Variants in MYRIP observed in about 807,000 individuals in gnomAD.
MYRIP encodes the protein myosin VIIA and Rab interacting protein, also known as rab effector MyRIP.
A neutral mutation model predicts 98.0 loss-of-function variants in MYRIP; 49 were observed. That is an observed-to-expected ratio of 0.50 (90% confidence interval 0.40 to 0.63). MYRIP has a LOEUF of 0.63. Ranked by LOEUF, MYRIP falls within the 30% of genes least tolerant of loss-of-function variation. The probability of loss-of-function intolerance (pLI) is 0.00; values close to 1 mark genes in which losing one functional copy is unlikely to be tolerated. For missense variants in MYRIP, 1,004 were observed against 1,058.2 expected, an observed-to-expected ratio of 0.95 and a Z score of 0.71; for synonymous variants, 404 against 409.5, an observed-to-expected ratio of 0.99 and a Z score of 0.16.
At chr3:39,835,676 G>A (rs1445281514) in intron 1 of MYRIP, among the ~76,000 whole-genome samples, 1 of 152,088 alleles carries the variant, frequency 6.6e-6, no homozygotes, top group Non-Finnish European at 1.5e-5. Flanking sequence ...CATGTGCCAT[G>A]GTGGTTTGCT....
chr3:40,204,266 G>A (rs1951735398), intron 10 of MYRIP, among the ~76,000 whole-genome samples: 1 of 113,440 alleles, frequency 8.8e-6, no homozygotes. Flanking sequence ...GTCTCACTCT[G>A]TCACCCAGGC....
chr3:40,036,755 C>T (rs1418836722), intron 2 of MYRIP, among the ~76,000 whole-genome samples: 2 of 152,082 alleles, frequency 1.3e-5, no homozygotes, highest in Non-Finnish European at 2.9e-5. Flanking sequence ...CTTTCATTCT[C>T]AGGGCAGGCC....
intron 2 of MYRIP, among the ~76,000 whole-genome samples, chr3:39,994,496 C>T (rs1313170196): frequency 6.6e-6 from 1 of 152,138 alleles, no homozygotes; most frequent in Admixed American, 6.5e-5. Flanking sequence ...GGGGGAGGGG[C>T]GCCTGCCATT....
chr3:39,837,686 C>T (rs1212563870), intron 1 of MYRIP, among the ~76,000 whole-genome samples: 1 of 152,130 alleles, frequency 6.6e-6, no homozygotes, highest in Non-Finnish European at 1.5e-5. Flanking sequence ...TTAGGATTGT[C>T]TTGGCTATAC....
intron 2 of MYRIP, among the ~76,000 whole-genome samples, chr3:40,027,004 G>T (rs1162811788): frequency 1.3e-5 from 2 of 152,046 alleles, no homozygotes; most frequent in Non-Finnish European, 2.9e-5. Flanking sequence ...AGACGTTTAT[G>T]ATGATGACTT....
At chr3:39,984,802 A>G (rs996288077) in intron 2 of MYRIP, among the ~76,000 whole-genome samples, 1 of 151,922 alleles carries the variant, frequency 6.6e-6, no homozygotes, top group African/African-American at 2.4e-5. Context: ...GAATCGCCAC[A>G]CTGACTTCCA....
At chr3:40,015,506 C>A (rs567501126) in intron 2 of MYRIP, among the ~76,000 whole-genome samples, 3 of 152,300 alleles carry the variant, frequency 2.0e-5, no homozygotes, top group African/African-American at 7.2e-5. Flanking sequence ...ATTCTGGGAC[C>A]AGCAGGGTCA....
intron 3 of MYRIP, among the ~76,000 whole-genome samples, chr3:40,059,902 G>A (rs182158831): frequency 1.3e-5 from 2 of 152,180 alleles, no homozygotes; most frequent in Non-Finnish European, 2.9e-5. Flanking sequence ...TTATTCACAT[G>A]ATGGGACTTT....
chr3:40,202,730 G>A (rs979657427), intron 10 of MYRIP, among the ~76,000 whole-genome samples: 4 of 152,032 alleles, frequency 2.6e-5, no homozygotes, highest in Non-Finnish European at 5.9e-5. Context: ...CTTGGGCAGT[G>A]CACTCAGCCT....
intron 3 of MYRIP, among the ~76,000 whole-genome samples, chr3:40,115,940 G>A (rs568090499): frequency 2.9e-4 from 44 of 152,258 alleles, no homozygotes; most frequent in African/African-American, 1.0e-3. Flanking sequence ...CCTCCTGCCC[G>A]CTCACTCTGC....
intron 3 of MYRIP, among the ~76,000 whole-genome samples, chr3:40,078,733 T>C (rs1948410529): frequency 6.6e-6 from 1 of 152,174 alleles, no homozygotes; most frequent in African/African-American, 2.4e-5. Context: ...AGATTAGCAC[T>C]TGTAAAATCA....
chr3:40,047,136 G>A (rs1387646383), intron 3 of MYRIP, among the ~76,000 whole-genome samples: 1 of 152,180 alleles, frequency 6.6e-6, no homozygotes, highest in African/African-American at 2.4e-5. Flanking sequence ...CCAACCATTT[G>A]CTATTTCTCT....
intron 3 of MYRIP, among the ~76,000 whole-genome samples, chr3:40,141,857 G>A (rs116611429): frequency 0.013 from 1,976 of 152,156 alleles, 11 homozygotes; most frequent in Middle Eastern, 0.031. Context: ...GCTTCGTGGT[G>A]TATTTTGAAG....
At chr3:39,825,328 C>A (rs1238846046) in intron 1 of MYRIP, among the ~76,000 whole-genome samples, 3 of 152,108 alleles carry the variant, frequency 2.0e-5, no homozygotes, top group Non-Finnish European at 4.4e-5. Flanking sequence ...TAGCTGTGGG[C>A]TAGTCATATA....
At position 39,999,222 on chromosome 3, in the gene MYRIP, A is replaced by G. The variant is rs577858938; in HGVS notation, c.111-44828A>G. ...GAGCTTCTGCACAGCAAAAGAAACT[A>G]CCATCAGAGTGAACAGGCCACCTAC... On this transcript the variant is annotated intron_variant, in intron 2 of 16. Transcript: ENST00000302541. 7.9e-5 allele frequency among the ~76,000 whole-genome samples: 12 copies of G among 152,322 alleles called. No individual in the cohort carries two copies. In the South Asian group the frequency reaches 2.5e-3, roughly 32 times the overall value.
At chr3:40,078,338 G>C (rs2125866892) in intron 3 of MYRIP, among the ~76,000 whole-genome samples, 1 of 152,310 alleles carries the variant, frequency 6.6e-6, no homozygotes, top group East Asian at 1.9e-4. Flanking sequence ...GCCGGCTCTG[G>C]CCTTGGCCAG....
At chr3:40,035,627 C>A (rs1947362706) in intron 2 of MYRIP, among the ~76,000 whole-genome samples, 1 of 151,532 alleles carries the variant, frequency 6.6e-6, no homozygotes, top group African/African-American at 2.4e-5. Flanking sequence ...AGTATAGGAA[C>A]CAAGGAATGA....
At chr3:40,234,570 A>T (rs1952769905) in intron 12 of MYRIP, among the ~76,000 whole-genome samples, 1 of 152,200 alleles carries the variant, frequency 6.6e-6, no homozygotes, top group Admixed American at 6.5e-5. Context: ...AGAGGAGTAT[A>T]GAGAAACTAT....
chr3:40,091,268 G>A (rs1381260151), intron 3 of MYRIP, among the ~76,000 whole-genome samples: 1 of 138,804 alleles, frequency 7.2e-6, no homozygotes, highest in African/African-American at 2.5e-5. Context: ...CCACATTTTG[G>A]GTTTCCTGGC....
Sources: gnomAD v4.1 joint callset for allele counts (sites outside exome capture counted in the v4.1 genomes callset) on GRCh38, gnomAD v4.1.1 for gene constraint, MANE v1.5 for transcripts, NCBI Gene and HGNC (gene_info 2026-07-23, HGNC 2026-07-21) for gene names.